Variants in PHGDH observed in about 807,000 individuals in gnomAD.
PHGDH encodes the protein phosphoglycerate dehydrogenase.
Under a neutral mutation model 52.6 loss-of-function variants are expected in PHGDH, and 50 were observed. The observed-to-expected ratio is 0.95, with a 90% confidence interval of 0.76 to 1.20. PHGDH has a LOEUF of 1.20. Ranked by LOEUF, PHGDH falls within the 50% of genes most tolerant of loss-of-function variation. PHGDH has a pLI of 0.00. For missense variants in PHGDH, 630 were observed against 684.6 expected (o/e 0.92, Z 0.89); for synonymous variants, 271 against 280.5 (o/e 0.97, Z 0.34).
intron 1 of PHGDH, among the ~76,000 whole-genome samples, chr1:119,718,474 C>G (rs1343269580): frequency 1.3e-5 from 2 of 152,226 alleles, no homozygotes; most frequent in East Asian, 3.8e-4. Context: ...CCTAACTGGC[C>G]ATGGCCTTGG....
chr1:119,721,605 C>G (rs774711688), intron 2 of PHGDH: 2 of 374,532 alleles, frequency 5.3e-6, no homozygotes, highest in East Asian at 9.7e-5. Flanking sequence ...CACGAGCCCA[C>G]CCCATGCGCA....
chr1:119,717,041 T>C (rs905800945), intron 1 of PHGDH, among the ~76,000 whole-genome samples: 5 of 151,962 alleles, frequency 3.3e-5, no homozygotes, highest in African/African-American at 1.2e-4. Flanking sequence ...GCATTGCCTA[T>C]TTATATATTT....
At chr1:119,734,403 T>C (rs1311796356) in intron 5 of PHGDH, 12 of 529,246 alleles carry the variant, frequency 2.3e-5, no homozygotes, top group African/African-American at 7.6e-5. Context: ...CCCAGCATCA[T>C]TGTGTGGTCA....
At chr1:119,741,985 G>C in intron 10 of PHGDH, 88 bp downstream of exon 10, 1 of 1,171,500 alleles carries the variant, frequency 8.5e-7, no homozygotes, top group East Asian at 2.4e-5. Flanking sequence ...TCTGAGCGGA[G>C]GCCTAGGTCC....
rs1381742141 is a variant in PHGDH at position 119,740,490 on chromosome 1, C to A, written c.1050C>A (p.Pro350=). ...TGATGCGAGCCTGGGCTGGGTCCCC[C>A]AAAGGGACCATCCAGGTGATAACAC... ...GTLMRAWAGS[P]KGTIQVITQG... The change falls in exon 9 of 12, where the codon CCC becomes CCA. Residue 350 remains proline (P), a synonymous_variant. Coordinates refer to ENST00000641023, the MANE Select transcript of PHGDH (RefSeq NM_006623.4). The A allele has an allele frequency of 1.3e-6, 2 of 1,590,322 alleles. No homozygotes were observed. The highest frequency in any genetic ancestry group is 1.7e-6 in the Non-Finnish European group (2 of 1,167,918).
At chr1:119,737,537 A>G (rs1247148657) in intron 8 of PHGDH, among the ~76,000 whole-genome samples, 2 of 152,286 alleles carry the variant, frequency 1.3e-5, no homozygotes. Flanking sequence ...TCCCAGGCCC[A>G]GCCTCTAGAG....
intron 3 of PHGDH, among the ~76,000 whole-genome samples, chr1:119,725,604 G>C (rs115450174): frequency 2.0e-5 from 3 of 152,192 alleles, no homozygotes; most frequent in African/African-American, 4.8e-5. Context: ...AAGATCGTGC[G>C]CCTCTGTGAT....
intron 6 of PHGDH, 96 bp from the exon 7 acceptor site, chr1:119,735,199 G>C: frequency 6.6e-7 from 1 of 1,524,318 alleles, no homozygotes; most frequent in East Asian, 2.2e-5. Context: ...CTCTGGGAAA[G>C]AGCTGGCTCA....
intron 1 of PHGDH, 33 bp from the exon 2 acceptor site, chr1:119,721,137 A>C: frequency 1.2e-6 from 2 of 1,610,740 alleles, no homozygotes; most frequent in Non-Finnish European, 1.7e-6. Context: ...TCACAGAATG[A>C]CTTTCTGGAC....
At chr1:119,712,298 GAAGA>G in intron 1 of PHGDH, 138 bp downstream of exon 1, 1 of 705,000 alleles carries the variant, frequency 1.4e-6, no homozygotes, top group Non-Finnish European at 2.5e-6. Flanking sequence ...GGGGGGTAGA[GAAGA>G]ACGGGGGCGG....
chr1:119,733,348 T>A (rs12089588), intron 5 of PHGDH, among the ~76,000 whole-genome samples: 44,791 of 150,972 alleles, frequency 0.3, 6,978 homozygotes, highest in East Asian at 0.45. Flanking sequence ...TGTTTTATTT[T>A]TTTTTTTTTT....
chr1:119,718,038 C>T (rs1651006085), intron 1 of PHGDH, among the ~76,000 whole-genome samples: 1 of 152,220 alleles, frequency 6.6e-6, no homozygotes, highest in Non-Finnish European at 1.5e-5. Context: ...AGGCAACTTG[C>T]TCTTCTCGAC....
intron 2 of PHGDH, among the ~76,000 whole-genome samples, chr1:119,722,028 T>C (rs587751134): frequency 1.3e-5 from 2 of 152,374 alleles, no homozygotes; most frequent in South Asian, 4.1e-4. Context: ...CCTTGGGGAC[T>C]TCATTGTCCT....
At chr1:119,719,599 A>G (rs1230730663) in intron 1 of PHGDH, 1 of 152,222 alleles carries the variant, frequency 6.6e-6, no homozygotes, top group African/African-American at 2.4e-5. Context: ...CAATTCTTCC[A>G]GTGTTTAGAA....
At chr1:119,712,259 A>C in intron 1 of PHGDH, 99 bp downstream of exon 1, 3 of 1,031,792 alleles carry the variant, frequency 2.9e-6, no homozygotes, top group East Asian at 2.7e-5. Context: ...TGCACCCCGT[A>C]TCAATTAGTT....
intron 1 of PHGDH, chr1:119,712,722 A>T (rs982422482): frequency 1.1e-5 from 2 of 181,730 alleles, no homozygotes; most frequent in Non-Finnish European, 2.3e-5. Context: ...AGACCCAACC[A>T]GTCTGGTGGC....
chr1:119,734,071 T>C (rs1008168297), intron 5 of PHGDH, among the ~76,000 whole-genome samples: 10 of 152,224 alleles, frequency 6.6e-5, no homozygotes, highest in Non-Finnish European at 1.5e-5. Flanking sequence ...TGTACCCCTG[T>C]TGTCCTCCTC....
At chr1:119,720,565 G>C (rs1049857317) in intron 1 of PHGDH, 1 of 175,412 alleles carries the variant, frequency 5.7e-6, no homozygotes, top group African/African-American at 2.4e-5. Context: ...GCTAGGTGCT[G>C]TGCCTGTTCT....
At position 119,723,394 on chromosome 1, in the gene PHGDH, C is replaced by T; in HGVS notation, c.309C>T (p.Ser103=). ...ILVMNTPNGN[S]LSAAELTCGM... Reference sequence around the variant, plus strand: ...TCTTTAGCACCCCCAATGGGAACAGCCTCAGTGCCGCAGAACTCACTTGTG... The same window carrying T: ...TCTTTAGCACCCCCAATGGGAACAGTCTCAGTGCCGCAGAACTCACTTGTG... Residue 103 remains serine, a synonymous_variant, in exon 3 of 12, where the codon AGC becomes AGT. Transcript: ENST00000641023. The T allele has an allele frequency of 6.2e-7, 1 of 1,613,704 alleles. No individual in the cohort carries two copies. Among genetic ancestry groups the T allele is most frequent in the Non-Finnish European group, 8.5e-7 (1 of 1,179,712 alleles).
Sources: allele counts gnomAD v4.1 joint callset (sites outside exome capture counted in the v4.1 genomes callset), GRCh38; gene constraint gnomAD v4.1.1; transcripts MANE v1.5; gene names NCBI Gene and HGNC (gene_info 2026-07-23, HGNC 2026-07-21).